The following MEIS1 variants were observed in gnomAD, a reference collection of about 807,000 sequenced individuals.
MEIS1 encodes homeobox protein Meis1.
In MEIS1, 5 loss-of-function variants were observed where a neutral mutation model predicts 50.8. That is an observed-to-expected ratio of 0.10 (90% CI 0.05 to 0.21). The LOEUF (loss-of-function observed/expected upper bound fraction) is 0.21, where lower values mean the gene tolerates loss of function less well. MEIS1 is among the 10% of genes least tolerant of loss of function. The probability of loss-of-function intolerance (pLI) is 1.00; values close to 1 mark genes in which losing one functional copy is unlikely to be tolerated. For missense variants in MEIS1, 318 were observed against 517.3 expected, an observed-to-expected ratio of 0.61 and a Z score of 3.74; for synonymous variants, 176 against 179.3, an observed-to-expected ratio of 0.98 and a Z score of 0.15.
At chr2:66,510,770 C>T (rs1673808998) in intron 7 of MEIS1, among the ~76,000 whole-genome samples, 1 of 151,920 alleles carries the variant, frequency 6.6e-6, no homozygotes, top group South Asian at 2.1e-4. Flanking sequence ...CTGTTAAAAA[C>T]AGTTGATTAG....
intron 8 of MEIS1, among the ~76,000 whole-genome samples, chr2:66,523,397 A>G (rs1254078463): frequency 1.3e-5 from 2 of 152,180 alleles, no homozygotes; most frequent in Non-Finnish European, 2.9e-5. Context: ...ACAGACAATA[A>G]TATTTTTAAG....
chr2:66,440,018 C>T, intron 3 of MEIS1, 34 bp downstream of exon 3: 1 of 1,561,320 alleles, frequency 6.4e-7, no homozygotes, highest in Non-Finnish European at 8.6e-7. Context: ...GTAAAAGAAA[C>T]AAAAAGAGAG....
At position 66,463,712 on chromosome 2, in the gene MEIS1, T is replaced by A. The variant is rs558405804; in HGVS notation, c.631-397T>A. ...TTCTAGGATGAATCAGAGGCCCCTA[T>A]AAACCACAGTGTTATAGACCACCAC... On this transcript the variant is annotated intron_variant, in intron 6 of 12. Coordinates refer to ENST00000272369, the MANE Select transcript of MEIS1 (RefSeq NM_002398.3). Among the ~76,000 whole-genome samples, 4 of 152,294 alleles carry A rather than the reference T, an allele frequency of 2.6e-5. No homozygotes were observed. In the South Asian group the frequency reaches 8.3e-4, roughly 32 times the overall value.
chr2:66,493,057 A>C (rs1163313878), intron 7 of MEIS1, among the ~76,000 whole-genome samples: 1 of 152,226 alleles, frequency 6.6e-6, no homozygotes, highest in Non-Finnish European at 1.5e-5. Flanking sequence ...GTTGCTTGGC[A>C]ACAAATAACA....
intron 7 of MEIS1, among the ~76,000 whole-genome samples, chr2:66,499,804 A>G (rs953062685): frequency 6.6e-6 from 1 of 152,064 alleles, no homozygotes; most frequent in Non-Finnish European, 1.5e-5. Flanking sequence ...TAAATATTAT[A>G]ACTTTTAGGG....
chr2:66,441,393 A>G (rs1353332385), intron 4 of MEIS1, 21 bp from the exon 5 acceptor site: 1 of 1,539,394 alleles, frequency 6.5e-7, no homozygotes, highest in Admixed American at 2.1e-5. Flanking sequence ...TGGGGTGCTT[A>G]TTGTTTTTGT....
At chr2:66,462,384 C>T (rs1353880301) in intron 6 of MEIS1, among the ~76,000 whole-genome samples, 6 of 152,204 alleles carry the variant, frequency 3.9e-5, no homozygotes, top group Non-Finnish European at 7.4e-5. Context: ...CCACGGGTTC[C>T]TGCAGCCTCC....
At chr2:66,450,901 C>G (rs945986077) in intron 6 of MEIS1, among the ~76,000 whole-genome samples, 2 of 152,196 alleles carry the variant, frequency 1.3e-5, no homozygotes, top group South Asian at 2.1e-4. Flanking sequence ...AGAACTATAT[C>G]TCTTTCTTTT....
chr2:66,515,145 A>T (rs929410131), intron 8 of MEIS1, among the ~76,000 whole-genome samples: 2 of 152,188 alleles, frequency 1.3e-5, no homozygotes, highest in African/African-American at 4.8e-5. Context: ...TTCTTGCTAG[A>T]TGTAAAAAAG....
chr2:66,483,001 A>G (rs1673053921), intron 7 of MEIS1, among the ~76,000 whole-genome samples: 1 of 152,196 alleles, frequency 6.6e-6, no homozygotes, highest in Admixed American at 6.5e-5. Flanking sequence ...ACTCACCCAT[A>G]AAATGGAAGT....
chr2:66,473,397 A>AAAAATATATCTATAT, intron 7 of MEIS1, among the ~76,000 whole-genome samples: 1 of 107,612 alleles, frequency 9.3e-6, no homozygotes, highest in African/African-American at 5.8e-5. Context: ...AAAAAAAAAA[A>AAAAATATATCTATAT]ATATATATAT....
intron 4 of MEIS1, chr2:66,440,814 C>A (rs944972643): frequency 4.4e-5 from 25 of 573,160 alleles, no homozygotes; most frequent in Middle Eastern, 4.6e-4. Flanking sequence ...AGGGGCCGGG[C>A]GAGCCAGCGC....
intron 8 of MEIS1, among the ~76,000 whole-genome samples, chr2:66,540,970 T>C (rs1674636107): frequency 6.6e-6 from 1 of 152,020 alleles, no homozygotes; most frequent in Non-Finnish European, 1.5e-5. Context: ...AATTGATATT[T>C]AGGAGAAATT....
chr2:66,483,363 C>T (rs543997196), intron 7 of MEIS1, among the ~76,000 whole-genome samples: 6 of 152,038 alleles, frequency 3.9e-5, no homozygotes, highest in Admixed American at 6.6e-5. Flanking sequence ...CGTGAGCCAC[C>T]GCGCCCGGCT....
At chr2:66,516,986 G>T (rs1673986775) in intron 8 of MEIS1, among the ~76,000 whole-genome samples, 1 of 152,190 alleles carries the variant, frequency 6.6e-6, no homozygotes, top group Non-Finnish European at 1.5e-5. Flanking sequence ...GTTAGGAAAA[G>T]ATAGAAGGAC....
At chr2:66,554,120 T>G (rs1489884501) in intron 9 of MEIS1, among the ~76,000 whole-genome samples, 1 of 152,204 alleles carries the variant, frequency 6.6e-6, no homozygotes, top group Non-Finnish European at 1.5e-5. Context: ...CGGGACCCTG[T>G]AGGGTTGGGG....
At chr2:66,459,224 A>G (rs1355946293) in intron 6 of MEIS1, among the ~76,000 whole-genome samples, 1 of 152,190 alleles carries the variant, frequency 6.6e-6, no homozygotes, top group African/African-American at 2.4e-5. Context: ...AGGGCAGAGC[A>G]AGGCACTGCA....
chr2:66,517,488 C>T (rs2103864119), intron 8 of MEIS1, among the ~76,000 whole-genome samples: 1 of 152,172 alleles, frequency 6.6e-6, no homozygotes, highest in East Asian at 1.9e-4. Context: ...AGAATATTTT[C>T]ATAGTTTTTA....
At chr2:66,451,929 G>GA (rs199644435) in intron 6 of MEIS1, among the ~76,000 whole-genome samples, 5 of 149,296 alleles carry the variant, frequency 3.3e-5, no homozygotes, top group South Asian at 2.1e-4. Context: ...CTTCCTGAAG[G>GA]AAAAAAAAAG....
Sources: gnomAD v4.1 joint callset for allele counts (sites outside exome capture counted in the v4.1 genomes callset) on GRCh38, gnomAD v4.1.1 for gene constraint, MANE v1.5 for transcripts, NCBI Gene and HGNC (gene_info 2026-07-23, HGNC 2026-07-21) for gene names.